Variants in STAP2 observed in about 807,000 individuals in gnomAD.
STAP2 encodes signal-transducing adaptor protein 2.
STAP2 carries 58 observed loss-of-function variants against 52.7 expected under a neutral mutation model. The observed-to-expected ratio is 1.10, with a 90% CI of 0.89 to 1.37. The LOEUF (loss-of-function observed/expected upper bound fraction) is 1.37, where lower values mean the gene tolerates loss of function less well. Among genes scored for constraint, STAP2 ranks in the 40% most tolerant of loss-of-function variants. The pLI, the probability that STAP2 is intolerant of heterozygous loss-of-function variation, is 0.00. For missense variants in STAP2, 522 were observed against 519.4 expected (o/e 1.00, Z -0.05); for synonymous variants, 231 against 210.5 (o/e 1.10, Z -0.84).
intron 1 of STAP2, chr19:4,338,162 A>G (rs1310072663): frequency 1.3e-5 from 2 of 155,316 alleles, no homozygotes; most frequent in Middle Eastern, 2.9e-3. Flanking sequence ...CATGGCAACT[A>G]TCTGTCCTGT....
chr19:4,332,669 C>T (rs1192751213), intron 3 of STAP2, among the ~76,000 whole-genome samples: 4 of 150,696 alleles, frequency 2.7e-5, no homozygotes, highest in Admixed American at 2.0e-4. Context: ...ATAGCGAGCC[C>T]CCTGTCTCTA....
At chr19:4,324,600 G>C (rs1463752710) in intron 11 of STAP2, 71 bp from the exon 12 acceptor site, 2 of 1,504,502 alleles carry the variant, frequency 1.3e-6, no homozygotes, top group Non-Finnish European at 1.8e-6. Flanking sequence ...GGGAGGCTGA[G>C]GTGGGTGGAT....
chr19:4,329,394 C>T (rs1221800732), intron 5 of STAP2, among the ~76,000 whole-genome samples: 7 of 152,116 alleles, frequency 4.6e-5, no homozygotes, highest in African/African-American at 1.7e-4. Context: ...CGCGAGCCAC[C>T]GCGGCCAGCC....
At position 4,336,314 on chromosome 19, in the gene STAP2, C is replaced by CTTTTT. The variant is rs978535649; in HGVS notation, c.103-2275_103-2271dup. On this transcript the variant is annotated intron_variant, in intron 1 of 12. Coordinates refer to ENST00000594605, the MANE Select transcript of STAP2 (RefSeq NM_001013841.2). ...ACAGGCGTGAGCCACTGCACACTGC[C>CTTTTT]TTTTTTTTTTTTTTTTTTTTTTGAG... Among the ~76,000 whole-genome samples the CTTTTT allele has an allele frequency of 4.6e-4, 38 of 83,450 alleles. 3 individuals are homozygous for CTTTTT. Among genetic ancestry groups the CTTTTT allele is most frequent in the African/African-American group, 1.1e-3 (22 of 19,228 alleles). 54.7% of individuals were successfully genotyped at this position (83,450 alleles called of 152,430 possible). A position where few individuals can be genotyped will look rare whatever the true frequency, so the allele number is the denominator to read the frequency against.
Position 4,325,546 on chromosome 19 carries a change from C to G in STAP2, c.830-1G>C. The stretch of plus-strand genomic sequence containing the variant: ...GGGCCACCTGTGCAGGGTGCAGGAC[C>G]TGATGGGGAAACGTGGTCACTGTCA... On this transcript the variant is annotated splice_acceptor_variant, in intron 9 of 12. Transcript: ENST00000594605. LOFTEE classifies it high-confidence loss of function. The G allele has an allele frequency of 6.3e-7, 1 of 1,575,254 alleles. No homozygotes were observed. The highest frequency in any genetic ancestry group is 2.2e-5 in the East Asian group (1 of 44,660).
At chr19:4,326,887 C>T in intron 9 of STAP2, 55 bp downstream of exon 9, 1 of 1,544,382 alleles carries the variant, frequency 6.5e-7, no homozygotes, top group Non-Finnish European at 8.7e-7. Flanking sequence ...GGGGGCGTGG[C>T]TGAATGCGGG....
chr19:4,333,997 G>A lies in STAP2; in HGVS notation c.150C>T (p.Phe50=). 2 of 1,613,436 alleles carry A rather than the reference G, an allele frequency of 1.2e-6. No homozygotes were observed. The highest frequency in any genetic ancestry group is 1.7e-6 in the Non-Finnish European group (2 of 1,179,708). Residue 50 remains phenylalanine, a synonymous_variant, in exon 2 of 13, where the codon TTC becomes TTT. Transcript: ENST00000594605. ...WAGLQGLTIY[F]YNSNRDFQHV... is the part of the protein sequence containing the mutation. ...CCTGGAAGTCCCGATTGCTATTGTA[G>A]AAATAAATGGTGAGACCCTGCAGGC... is the stretch of plus-strand genomic sequence containing the variant.
chr19:4,326,351 A>G (rs1481050049), intron 9 of STAP2, among the ~76,000 whole-genome samples: 1 of 152,142 alleles, frequency 6.6e-6, no homozygotes, highest in Non-Finnish European at 1.5e-5. Flanking sequence ...AGTTGCATGG[A>G]TCATGCATGT....
chr19:4,336,994 G>A (rs894761104), intron 1 of STAP2, among the ~76,000 whole-genome samples: 2 of 152,126 alleles, frequency 1.3e-5, no homozygotes, highest in South Asian at 2.1e-4. Flanking sequence ...GTTGGTTGGG[G>A]AGGATTTGGA....
Position 4,324,438 on chromosome 19 carries a change from C to A in STAP2, c.1147+17G>T, listed in dbSNP as rs373882931. 7.7e-6 allele frequency: 12 copies of A among 1,550,192 alleles called. No homozygotes were observed. The highest frequency in any genetic ancestry group is 1.0e-5 in the Non-Finnish European group (12 of 1,143,758). On this transcript the variant is annotated intron_variant, in intron 12 of 12. Coordinates refer to ENST00000594605, the MANE Select transcript of STAP2 (RefSeq NM_001013841.2). ...ACCTGGGAAGCCCGCCCCGCACTGA[C>A]CCCGCAGACCCCTTACCGGCTGTGG... is the stretch of plus-strand genomic sequence containing the variant.
At chr19:4,336,404 C>G (rs1048481083) in intron 1 of STAP2, among the ~76,000 whole-genome samples, 1 of 150,354 alleles carries the variant, frequency 6.7e-6, no homozygotes, top group Admixed American at 6.6e-5. Context: ...CTGCAACCCC[C>G]CCGCCCCAGT....
At chr19:4,334,290 G>A (rs1971938968) in intron 1 of STAP2, among the ~76,000 whole-genome samples, 1 of 152,122 alleles carries the variant, frequency 6.6e-6, no homozygotes, top group Non-Finnish European at 1.5e-5. Flanking sequence ...ACCTCGATGT[G>A]ATGAGGGATT....
intron 5 of STAP2, among the ~76,000 whole-genome samples, chr19:4,329,590 C>G (rs1196561358): frequency 2.0e-5 from 3 of 152,020 alleles, no homozygotes; most frequent in Admixed American, 1.3e-4. Context: ...GCTCCGCCCC[C>G]CATCCAGGCC....
chr19:4,338,118 AAG>A (rs1491188292), intron 1 of STAP2: 1 of 129,320 alleles, frequency 7.7e-6, no homozygotes, highest in Admixed American at 7.7e-5. Context: ...AGGGAGACAT[AAG>A]CACACACACA....
intron 9 of STAP2, 100 bp from the exon 10 acceptor site, chr19:4,325,645 T>C: frequency 7.5e-7 from 1 of 1,341,688 alleles, no homozygotes; most frequent in African/African-American, 1.5e-5. Flanking sequence ...CAGGCATGTG[T>C]CCCTGTGTGT....
At position 4,330,067 on chromosome 19, in the gene STAP2, G is replaced by A. The variant is rs1347440983; in HGVS notation, c.355-6C>T. ...AAGTCGGTCGGGACACGGAGCTGAG[G>A]GGCGATCGAGGGACAGTGACTGCAC... On this transcript the variant is annotated splice_polypyrimidine_tract_variant and splice_region_variant and intron_variant, in intron 4 of 12. Coordinates refer to ENST00000594605, the MANE Select transcript of STAP2 (RefSeq NM_001013841.2). 5 of 1,611,500 alleles carry A rather than the reference G, an allele frequency of 3.1e-6. No homozygotes were observed. The highest frequency in any genetic ancestry group is 2.2e-5 in the South Asian group (2 of 91,048).
chr19:4,326,084 C>T (rs867913389), intron 9 of STAP2, among the ~76,000 whole-genome samples: 3 of 152,198 alleles, frequency 2.0e-5, no homozygotes, highest in Non-Finnish European at 4.4e-5. Flanking sequence ...TGTGACTGCA[C>T]GCCTGCTGAG....
chr19:4,326,001 C>G (rs375171095), intron 9 of STAP2, among the ~76,000 whole-genome samples: 1 of 151,988 alleles, frequency 6.6e-6, no homozygotes, highest in African/African-American at 2.4e-5. Context: ...GTGGCATACA[C>G]GTGTACACTA....
rs577690188 is a variant in STAP2 at position 4,327,383 on chromosome 19, G to A, written c.593C>T (p.Thr198Met). ...CACCTTGTAATGCCGGACCACGTGC[G>A]TCCTGCACCAGGAGAAAGCGAGTGA... is the stretch of plus-strand genomic sequence containing the variant. ...SVTTRQMHNG[T>M]HVVRHYKVKR... Residue 198 changes from threonine to methionine, a missense_variant and splice_region_variant, in exon 7 of 13, where the codon ACG becomes ATG. Thr to Met is a moderately conservative substitution (Grantham distance 81, BLOSUM62 -1). Transcript: ENST00000594605. 3.7e-6 allele frequency: 6 copies of A among 1,614,070 alleles called. No individual in the cohort carries two copies. Among genetic ancestry groups the A allele is most frequent in the South Asian group, 3.3e-5 (3 of 91,076 alleles).
Sources: allele counts gnomAD v4.1 joint callset (sites outside exome capture counted in the v4.1 genomes callset), GRCh38; gene constraint gnomAD v4.1.1; transcripts MANE v1.5; gene names NCBI Gene and HGNC (gene_info 2026-07-23, HGNC 2026-07-21).